LDHA: variants seen among roughly 807,000 people sequenced by gnomAD.
LDHA encodes lactate dehydrogenase A.
A neutral mutation model predicts 36.3 loss-of-function variants in LDHA; 10 were observed. The ratio of observed to expected loss-of-function variants is 0.28; its 90% CI spans 0.17 to 0.47. LDHA has a LOEUF of 0.47. Ranked by LOEUF, LDHA falls within the 20% of genes least tolerant of loss-of-function variation. LDHA has a pLI of 0.99. For synonymous variants in LDHA, 110 were observed against 136.7 expected (o/e 0.80, Z 1.36); for missense variants, 267 against 405.8 (o/e 0.66, Z 2.94).
intron 4 of LDHA, among the ~76,000 whole-genome samples, chr11:18,401,467 A>ATTTTTTTTTTTT (rs1866494105): frequency 1.5e-5 from 1 of 67,746 alleles, no homozygotes; most frequent in Non-Finnish European, 2.9e-5. Flanking sequence ...TGATTCATTT[A>ATTTTTTTTTTTT]TTTTTCTTTT....
At chr11:18,396,398 C>T (rs1193367116) in intron 1 of LDHA, 3 of 407,854 alleles carry the variant, frequency 7.4e-6, no homozygotes, top group Non-Finnish European at 1.3e-5. Context: ...GTGCCTTGGG[C>T]TTGAGCTTTG....
intron 7 of LDHA, among the ~76,000 whole-genome samples, 199 bp from the exon 8 acceptor site, chr11:18,406,918 A>G (rs937802586): frequency 8.6e-5 from 13 of 151,466 alleles, no homozygotes; most frequent in Non-Finnish European, 1.0e-4. Flanking sequence ...AAGCAGGAGA[A>G]TTACTTGAAC....
In LDHA at chr11:18,397,814, A is replaced by C. The variant is rs1866352124; in HGVS notation, c.126+846A>C. ...CGACAGTGAGACTCCATCTCAAAAA[A>C]AAAAATCTGAAGTTAAGATGTGGAG... On this transcript the variant is annotated intron_variant, in intron 2 of 7. Coordinates refer to ENST00000422447, the MANE Select transcript of LDHA (RefSeq NM_005566.4). Among the ~76,000 whole-genome samples the C allele has an allele frequency of 2.0e-5, 3 of 152,200 alleles. No individual in the cohort carries two copies. The South Asian group carries it at 6.2e-4, about 32-fold the overall frequency.
chr11:18,403,820 T>C lies in LDHA; in HGVS notation c.710+9T>C. On this transcript the variant is annotated intron_variant, in intron 6 of 7. Coordinates refer to ENST00000422447, the MANE Select transcript of LDHA (RefSeq NM_005566.4). ...AAGCAGGTGGTTGAGAGGTAATAAATCTTTCAATTTGGCAACACAGAATAT... is the reference window on the plus strand; with the variant it reads ...AAGCAGGTGGTTGAGAGGTAATAAACCTTTCAATTTGGCAACACAGAATAT... 7.1e-7 allele frequency: 1 copy of C among 1,405,150 alleles called. No individual in the cohort carries two copies. The highest frequency in any genetic ancestry group is 1.0e-6 in the Non-Finnish European group (1 of 989,520). The allele number at this position is 1,405,150 out of a possible 1,614,324, so 87.0% of individuals were successfully genotyped here. A position where few individuals can be genotyped will look rare whatever the true frequency, so the allele number is the denominator to read the frequency against.
At chr11:18,403,870 A>C in intron 6 of LDHA, 59 bp downstream of exon 6, 1 of 1,015,334 alleles carries the variant, frequency 9.8e-7, no homozygotes, top group Non-Finnish European at 1.6e-6. Flanking sequence ...TTTATTTAAA[A>C]GGTTAAAATT....
At chr11:18,401,622 T>C (rs978126550) in intron 4 of LDHA, among the ~76,000 whole-genome samples, 2 of 150,406 alleles carry the variant, frequency 1.3e-5, no homozygotes, top group South Asian at 2.1e-4. Context: ...GGACTACAGG[T>C]GCCCACCACG....
Position 18,402,939 on chromosome 11 carries a change from T to C in LDHA, c.518T>C (p.Leu173Pro). ...CTGGATTCAGCCCGATTCCGTTACC[T>C]AATGGGGGAAAGGCTGGGAGTTCAC... ...CNLDSARFRY[L>P]MGERLGVHPL... Residue 173 changes from leucine to proline, a missense_variant, in exon 5 of 8, where the codon CTA becomes CCA. By Grantham distance (98) the Leu-to-Pro change is moderately conservative. Coordinates refer to ENST00000422447, the MANE Select transcript of LDHA (RefSeq NM_005566.4). 6.2e-7 allele frequency: 1 copy of C among 1,613,036 alleles called. No individual in the cohort carries two copies. Among genetic ancestry groups the C allele is most frequent in the Non-Finnish European group, 8.5e-7 (1 of 1,178,974 alleles).
intron 4 of LDHA, 78 bp downstream of exon 4, chr11:18,401,088 T>G (rs1590214009): frequency 3.8e-6 from 2 of 532,770 alleles, no homozygotes; most frequent in African/African-American, 4.1e-5. Flanking sequence ...ATATATATTT[T>G]AAATATTTTG....
At chr11:18,401,756 C>T (rs959078014) in intron 4 of LDHA, among the ~76,000 whole-genome samples, 3 of 151,742 alleles carry the variant, frequency 2.0e-5, no homozygotes, top group African/African-American at 2.4e-5. Flanking sequence ...GGATTACAGG[C>T]GTGAGCCACC....
intron 3 of LDHA, chr11:18,400,360 T>C: frequency 5.6e-6 from 1 of 177,712 alleles, no homozygotes; most frequent in South Asian, 5.9e-5. Context: ...ATAGGGTATC[T>C]AGAAGCAAAA....
At chr11:18,396,688 T>A in intron 1 of LDHA, 131 bp from the exon 2 acceptor site, 5 of 1,366,292 alleles carry the variant, frequency 3.7e-6, no homozygotes, top group Non-Finnish European at 4.9e-6. Flanking sequence ...TTTTTTCCCC[T>A]CCCTTTTTAG....
chr11:18,400,585 A>G (rs1866450475), intron 3 of LDHA: 2 of 525,640 alleles, frequency 3.8e-6, no homozygotes, highest in South Asian at 1.7e-5. Flanking sequence ...GAGGATATGT[A>G]AGAAATTAAT....
intron 7 of LDHA, among the ~76,000 whole-genome samples, chr11:18,406,414 TAA>T (rs532942664): frequency 1.0e-5 from 1 of 97,170 alleles, no homozygotes; most frequent in Non-Finnish European, 2.0e-5. Context: ...TTGCCTCTGT[TAA>T]AAAAAAAAAA....
chr11:18,395,832 A>G (rs574658360), intron 1 of LDHA, among the ~76,000 whole-genome samples: 2 of 152,326 alleles, frequency 1.3e-5, no homozygotes, highest in Admixed American at 6.5e-5. Flanking sequence ...AGCTATTTCT[A>G]CACTCCCTGT....
At position 18,396,819 on chromosome 11, in the gene LDHA, A is replaced by T. The variant is rs1866320648; in HGVS notation, c.-24A>T. ...ACACTAAATGTTTTTCCTCCTATAG[A>T]TTCCTTTTGGTTCCAAGTCCAATAT... On this transcript the variant is annotated splice_region_variant and 5_prime_UTR_variant, in exon 2 of 8. Coordinates refer to ENST00000422447, the MANE Select transcript of LDHA (RefSeq NM_005566.4). The T allele has an allele frequency of 6.2e-7, 1 of 1,603,548 alleles. No individual in the cohort carries two copies. Among genetic ancestry groups the T allele is most frequent in the Non-Finnish European group, 8.5e-7 (1 of 1,174,938 alleles).
At chr11:18,400,354 G>A in intron 3 of LDHA, 1 of 231,546 alleles carries the variant, frequency 4.3e-6, no homozygotes, top group East Asian at 1.1e-4. Context: ...TGTGCCATAG[G>A]GTATCTAGAA....
intron 6 of LDHA, among the ~76,000 whole-genome samples, chr11:18,405,106 T>C (rs1456881248): frequency 6.6e-6 from 1 of 152,202 alleles, no homozygotes; most frequent in African/African-American, 2.4e-5. Flanking sequence ...TTTTTAAAAT[T>C]CAATATTATA....
intron 1 of LDHA, chr11:18,395,009 G>A (rs990310135): frequency 8.8e-6 from 2 of 226,040 alleles, no homozygotes; most frequent in African/African-American, 2.3e-5. Context: ...TCGAGGTCCA[G>A]TTCTCGGAGC....
chr11:18,397,217 T>C, intron 2 of LDHA: 1 of 333,152 alleles, frequency 3.0e-6, no homozygotes, highest in East Asian at 4.9e-5. Flanking sequence ...TGTATTAACA[T>C]GCATGGATTG....
Sources: gnomAD v4.1 joint callset for allele counts (sites outside exome capture counted in the v4.1 genomes callset) on GRCh38, gnomAD v4.1.1 for gene constraint, MANE v1.5 for transcripts, NCBI Gene and HGNC (gene_info 2026-07-23, HGNC 2026-07-21) for gene names.